KIAA1328: variants seen among roughly 807,000 people sequenced by gnomAD.
The protein encoded by KIAA1328 is KIAA1328, also known as protein hinderin.
A neutral mutation model predicts 68.1 loss-of-function variants in KIAA1328; 52 were observed. That is an observed-to-expected ratio of 0.76 (90% CI 0.61 to 0.96). KIAA1328 has a LOEUF of 0.96. KIAA1328 is among the 40% of genes least tolerant of loss of function. KIAA1328 has a pLI of 0.00. For synonymous variants in KIAA1328, 232 were observed against 239.4 expected (o/e 0.97, Z 0.28); for missense variants, 641 against 677.6 (o/e 0.95, Z 0.60).
chr18:37,196,107 T>C (rs1044294136), intron 9 of KIAA1328, among the ~76,000 whole-genome samples: 1 of 152,188 alleles, frequency 6.6e-6, no homozygotes, highest in Non-Finnish European at 1.5e-5. Context: ...TATTATAGTA[T>C]GGAAACACTA....
chr18:37,227,812 T>G (rs2060647595), downstream of KIAA1328, among the ~76,000 whole-genome samples: 1 of 152,200 alleles, frequency 6.6e-6, no homozygotes, highest in African/African-American at 2.4e-5. Context: ...TTTCCACATC[T>G]TATTGTTTGA....
At chr18:36,927,216 G>A (rs979816772) in intron 5 of KIAA1328, among the ~76,000 whole-genome samples, 1 of 152,138 alleles carries the variant, frequency 6.6e-6, no homozygotes, top group African/African-American at 2.4e-5. Flanking sequence ...TTTCAGGTGT[G>A]ACAAATATAC....
intron 7 of KIAA1328, among the ~76,000 whole-genome samples, chr18:37,106,164 A>G (rs2057771004): frequency 6.6e-6 from 1 of 152,004 alleles, no homozygotes; most frequent in Non-Finnish European, 1.5e-5. Flanking sequence ...TCATTTATCC[A>G]TGCAATGGAA....
At chr18:37,011,829 G>T in intron 6 of KIAA1328, among the ~76,000 whole-genome samples, 1 of 152,004 alleles carries the variant, frequency 6.6e-6, no homozygotes, top group East Asian at 1.9e-4. Context: ...CAGGAGCATG[G>T]GTAATTTTTA....
At chr18:37,122,236 TTG>T (rs2058289489) in intron 7 of KIAA1328, among the ~76,000 whole-genome samples, 1 of 152,000 alleles carries the variant, frequency 6.6e-6, no homozygotes, top group African/African-American at 2.4e-5. Flanking sequence ...GTAATAATTA[TTG>T]TGTCGTGCTT....
intron 4 of KIAA1328, among the ~76,000 whole-genome samples, chr18:36,852,476 G>A (rs548814014): frequency 1.3e-5 from 2 of 152,220 alleles, no homozygotes; most frequent in South Asian, 4.1e-4. Flanking sequence ...GGGCAGTCAC[G>A]ACCTAGGCAC....
intron 9 of KIAA1328, among the ~76,000 whole-genome samples, chr18:37,203,980 T>G (rs1440312417): frequency 6.6e-6 from 1 of 152,112 alleles, no homozygotes; most frequent in Non-Finnish European, 1.5e-5. Flanking sequence ...CAGCTAATTT[T>G]TTTGTATGTT....
chr18:36,895,683 C>G, intron 5 of KIAA1328: 1 of 448,674 alleles, frequency 2.2e-6, no homozygotes, highest in Non-Finnish European at 4.5e-6. Flanking sequence ...TAAGAATTTG[C>G]GATGGACTGA....
At chr18:37,075,890 T>G (rs2056713948) in intron 7 of KIAA1328, among the ~76,000 whole-genome samples, 3 of 152,304 alleles carry the variant, frequency 2.0e-5, no homozygotes, top group African/African-American at 7.2e-5. Context: ...AATGGGAGAC[T>G]TTAACAACCC....
At chr18:36,938,823 C>T (rs528736973) in intron 5 of KIAA1328, among the ~76,000 whole-genome samples, 1 of 152,166 alleles carries the variant, frequency 6.6e-6, no homozygotes. Context: ...ATTCCCAATA[C>T]CATTTATCGA....
In KIAA1328 at chr18:37,025,711, C is replaced by T. The variant is rs182648695; in HGVS notation, c.577-41179C>T. Reference sequence around the variant, plus strand: ...ACAAAACATACCAGAATCTCTGGGACATATTCAAAGCAGTGTGTAGAGGGA... The same window carrying T: ...ACAAAACATACCAGAATCTCTGGGATATATTCAAAGCAGTGTGTAGAGGGA... On this transcript the variant is annotated intron_variant, in intron 6 of 9. Transcript: ENST00000280020. Among the ~76,000 whole-genome samples, 26 of 152,274 alleles carry T rather than the reference C, an allele frequency of 1.7e-4. No homozygotes were observed. The East Asian group carries it at 5.0e-3, about 29-fold the overall frequency.
chr18:36,874,820 T>C (rs192698676), intron 4 of KIAA1328, among the ~76,000 whole-genome samples: 1 of 152,324 alleles, frequency 6.6e-6, no homozygotes, highest in African/African-American at 2.4e-5. Context: ...TTTTAGGTCT[T>C]ACGTTTAAGT....
At chr18:37,125,969 T>C (rs2058379701) in intron 7 of KIAA1328, among the ~76,000 whole-genome samples, 1 of 152,226 alleles carries the variant, frequency 6.6e-6, no homozygotes, top group Non-Finnish European at 1.5e-5. Context: ...TGTTAAGTAC[T>C]TGTGCGTGAA....
intron 7 of KIAA1328, among the ~76,000 whole-genome samples, chr18:37,155,558 T>G (rs1453894145): frequency 6.6e-6 from 1 of 152,192 alleles, no homozygotes; most frequent in Non-Finnish European, 1.5e-5. Flanking sequence ...AACCTTCATC[T>G]CTCACCAGAG....
At chr18:36,989,249 GA>G (rs1368944861) in intron 6 of KIAA1328, among the ~76,000 whole-genome samples, 1 of 152,036 alleles carries the variant, frequency 6.6e-6, no homozygotes, top group Non-Finnish European at 1.5e-5. Context: ...TGAGGTTGGT[GA>G]AAAAAAGATT....
chr18:36,844,652 A>T (rs1036372720), intron 4 of KIAA1328, among the ~76,000 whole-genome samples: 1 of 151,938 alleles, frequency 6.6e-6, no homozygotes, highest in African/African-American at 2.4e-5. Context: ...TTTTTCCTTC[A>T]GCATCTGAAG....
intron 7 of KIAA1328, among the ~76,000 whole-genome samples, chr18:37,100,085 C>T (rs1479486625): frequency 6.6e-6 from 1 of 152,116 alleles, no homozygotes; most frequent in African/African-American, 2.4e-5. Flanking sequence ...CTACAGCTCC[C>T]AGCATGAGCG....
At chr18:37,128,914 C>T (rs141596791) in intron 7 of KIAA1328, among the ~76,000 whole-genome samples, 77 of 150,738 alleles carry the variant, frequency 5.1e-4, no homozygotes, top group Non-Finnish European at 9.1e-4. Flanking sequence ...CAAAAAAGAC[C>T]ATATATGGTA....
chr18:36,844,167 T>C, intron 3 of KIAA1328, 41 bp from the exon 4 acceptor site: 2 of 1,369,274 alleles, frequency 1.5e-6, no homozygotes, highest in Non-Finnish European at 2.0e-6. Context: ...ACTTTAAAAA[T>C]TGGTTTTAGA....
Sources: allele counts gnomAD v4.1 joint callset (sites outside exome capture counted in the v4.1 genomes callset), GRCh38; gene constraint gnomAD v4.1.1; transcripts MANE v1.5; gene names NCBI Gene and HGNC (gene_info 2026-07-23, HGNC 2026-07-21).